The following KAZN variants were observed in gnomAD, a reference collection of about 807,000 sequenced individuals.
The protein encoded by KAZN is kazrin.
Under a neutral mutation model 87.4 loss-of-function variants are expected in KAZN, and 40 were observed. The ratio of observed to expected loss-of-function variants is 0.46; its 90% confidence interval spans 0.36 to 0.60. The LOEUF (loss-of-function observed/expected upper bound fraction) is 0.60, where lower values mean the gene tolerates loss of function less well. KAZN is among the 20% of genes least tolerant of loss of function. The probability of loss-of-function intolerance (pLI) is 0.00; values close to 1 mark genes in which losing one functional copy is unlikely to be tolerated. For synonymous variants in KAZN, 466 were observed against 458.3 expected (o/e 1.02, Z -0.22); for missense variants, 898 against 1,073.9 (o/e 0.84, Z 2.29).
intron 2 of KAZN, among the ~76,000 whole-genome samples, chr1:14,420,394 C>T (rs1233698690): frequency 6.6e-5 from 10 of 152,222 alleles, no homozygotes; most frequent in Non-Finnish European, 1.2e-4. Context: ...TCTCCAAGTA[C>T]CCACCCGACT....
chr1:14,331,245 T>A (rs936876783), intron 2 of KAZN, among the ~76,000 whole-genome samples: 2 of 152,092 alleles, frequency 1.3e-5, no homozygotes, highest in African/African-American at 2.4e-5. Flanking sequence ...GGGGCTTGAA[T>A]CTCCAAGTGA....
chr1:14,393,321 C>A (rs555597266), intron 2 of KAZN, among the ~76,000 whole-genome samples: 2 of 152,130 alleles, frequency 1.3e-5, no homozygotes, highest in East Asian at 1.9e-4. Flanking sequence ...AAGTAAATGC[C>A]CACCAAATAA....
At chr1:14,498,977 C>T (rs1236329440) in intron 2 of KAZN, among the ~76,000 whole-genome samples, 1 of 152,048 alleles carries the variant, frequency 6.6e-6, no homozygotes, top group African/African-American at 2.4e-5. Flanking sequence ...TTTTCTTAAC[C>T]CTGCAGCAGC....
intron 1 of KAZN, among the ~76,000 whole-genome samples, chr1:14,644,072 C>T (rs573856608): frequency 4.0e-4 from 53 of 131,304 alleles, no homozygotes; most frequent in Non-Finnish European, 7.6e-4. Flanking sequence ...AGTGCAGTGG[C>T]GCAATCTCCG....
intron 2 of KAZN, among the ~76,000 whole-genome samples, chr1:14,235,182 A>G (rs995004148): frequency 6.6e-6 from 1 of 152,224 alleles, no homozygotes; most frequent in African/African-American, 2.4e-5. Flanking sequence ...TAACGACACA[A>G]TGAAATATTA....
intron 2 of KAZN, among the ~76,000 whole-genome samples, chr1:14,377,690 T>C (rs955383241): frequency 2.0e-5 from 3 of 152,190 alleles, no homozygotes; most frequent in Non-Finnish European, 4.4e-5. Context: ...AACTGACTTT[T>C]CTAGTATGGA....
At chr1:14,149,099 C>CCTTTTT (rs1557515735) in intron 1 of KAZN, among the ~76,000 whole-genome samples, 1 of 84,378 alleles carries the variant, frequency 1.2e-5, no homozygotes, top group African/African-American at 5.9e-5. Context: ...TCCTTTCTTT[C>CCTTTTT]TTTCCTTTTT....
intron 1 of KAZN, among the ~76,000 whole-genome samples, chr1:14,830,704 T>C (rs2100874790): frequency 1.3e-5 from 2 of 152,158 alleles, no homozygotes; most frequent in Middle Eastern, 6.8e-3. Context: ...AACAACCAGA[T>C]TTCATGAGAA....
At chr1:13,934,623 C>G (rs1457940666) in intron 1 of KAZN, among the ~76,000 whole-genome samples, 1 of 152,212 alleles carries the variant, frequency 6.6e-6, no homozygotes, top group Non-Finnish European at 1.5e-5. Flanking sequence ...TAGACAGTTT[C>G]ATGTGACTGT....
rs7539946 is a variant in KAZN, at chr1:14,904,279, T to C, written c.227-56405T>C. Among the ~76,000 whole-genome samples the C allele has an allele frequency of 5.4e-3, 697 of 129,988 alleles. 5 individuals are homozygous for C. Among genetic ancestry groups the C allele is most frequent in the African/African-American group, 0.017 (574 of 34,212 alleles). The allele number at this position is 129,988 out of a possible 152,430, so 85.3% of individuals were successfully genotyped here. ...GAGATAGCGCCACTGCAGTCCGGCCTGGGCGAAAGAGCGAGACTCCGTCTC... is the reference window on the plus strand; with the variant it reads ...GAGATAGCGCCACTGCAGTCCGGCCCGGGCGAAAGAGCGAGACTCCGTCTC... On this transcript the variant is annotated intron_variant, in intron 1 of 14. Transcript: ENST00000376030.
chr1:14,832,523 T>C (rs1647078990), intron 1 of KAZN, among the ~76,000 whole-genome samples: 1 of 152,154 alleles, frequency 6.6e-6, no homozygotes, highest in African/African-American at 2.4e-5. Context: ...GTGTCCAAAA[T>C]CTTTTGGCTT....
chr1:14,943,359 C>A (rs1661372830), intron 1 of KAZN, among the ~76,000 whole-genome samples: 1 of 152,010 alleles, frequency 6.6e-6, no homozygotes, highest in Non-Finnish European at 1.5e-5. Flanking sequence ...GCAGTCACCC[C>A]CCGCCAGCTG....
chr1:14,340,910 T>C (rs1248279451), intron 2 of KAZN, among the ~76,000 whole-genome samples: 4 of 148,814 alleles, frequency 2.7e-5, no homozygotes, highest in Non-Finnish European at 5.9e-5. Flanking sequence ...TTTTTTGAGA[T>C]GGAGTCTCAC....
chr1:14,063,154 A>G (rs944694253), intron 1 of KAZN, among the ~76,000 whole-genome samples: 2 of 152,174 alleles, frequency 1.3e-5, no homozygotes, highest in African/African-American at 4.8e-5. Context: ...CCTGCCATAT[A>G]TCAGCCATAG....
At position 14,591,589 on chromosome 1, in the gene KAZN, C is replaced by T. The variant is rs189345254; in HGVS notation, c.250-7394C>T. ...TTATCAATTTCATACCTAGGAGCTT[C>T]TGAATTAGAAGTGATTATTAAAGGA... On this transcript the variant is annotated intron_variant, in intron 2 of 16. Coordinates refer to the KAZN transcript ENST00000636203. 3.9e-5 allele frequency among the ~76,000 whole-genome samples: 6 copies of T among 152,212 alleles called. No homozygotes were observed. In the East Asian group the frequency reaches 1.2e-3, roughly 29 times the overall value.
chr1:14,674,060 A>G (rs1640073490), intron 1 of KAZN, among the ~76,000 whole-genome samples: 1 of 152,210 alleles, frequency 6.6e-6, no homozygotes, highest in African/African-American at 2.4e-5. Context: ...CATCTTATGC[A>G]TGGGGAAATG....
chr1:14,704,320 C>A (rs1039343620), intron 1 of KAZN, among the ~76,000 whole-genome samples: 1 of 152,240 alleles, frequency 6.6e-6, no homozygotes, highest in Non-Finnish European at 1.5e-5. Context: ...ACTTCTAGAC[C>A]TTCCATCATA....
intron 2 of KAZN, among the ~76,000 whole-genome samples, chr1:14,227,895 G>A (rs920064578): frequency 2.0e-5 from 3 of 152,164 alleles, no homozygotes; most frequent in African/African-American, 4.8e-5. Context: ...ACACCGTTCA[G>A]CAGCATCTTT....
chr1:14,970,479 A>T (rs1664911226), intron 2 of KAZN, among the ~76,000 whole-genome samples: 1 of 152,210 alleles, frequency 6.6e-6, no homozygotes, highest in Non-Finnish European at 1.5e-5. Flanking sequence ...CACATTTGCA[A>T]CAAACTTTGT....
Sources: allele counts gnomAD v4.1 joint callset (sites outside exome capture counted in the v4.1 genomes callset), GRCh38; gene constraint gnomAD v4.1.1; transcripts MANE v1.5; gene names NCBI Gene and HGNC (gene_info 2026-07-23, HGNC 2026-07-21).